Variants in OCA2 observed in about 807,000 individuals in gnomAD.
OCA2 encodes OCA2 melanosomal transmembrane protein.
OCA2 carries 77 observed loss-of-function variants against 100.2 expected under a neutral mutation model. The ratio of observed to expected loss-of-function variants is 0.77; its 90% CI spans 0.64 to 0.93. The LOEUF is 0.93. Ranked by LOEUF, OCA2 falls within the 40% of genes least tolerant of loss-of-function variation. OCA2 has a pLI of 0.00. For synonymous variants in OCA2, 432 were observed against 439.2 expected, an observed-to-expected ratio of 0.98 and a Z score of 0.21; for missense variants, 1,062 against 1,089.1, an observed-to-expected ratio of 0.98 and a Z score of 0.35.
intron 19 of OCA2, among the ~76,000 whole-genome samples, chr15:27,915,316 A>G (rs1157144879): frequency 6.6e-6 from 1 of 152,162 alleles, no homozygotes; most frequent in Non-Finnish European, 1.5e-5. Flanking sequence ...ATTTCACGAC[A>G]AAGACCCCAA....
At chr15:27,878,044 G>A (rs1038098138) in intron 19 of OCA2, among the ~76,000 whole-genome samples, 25 of 150,742 alleles carry the variant, frequency 1.7e-4, no homozygotes, top group African/African-American at 5.3e-4. Flanking sequence ...TACTTACTCC[G>A]TGAATTAAAA....
chr15:28,009,684 T>TCA (rs747425942), intron 9 of OCA2, among the ~76,000 whole-genome samples: 36,806 of 137,566 alleles, frequency 0.27, 4,769 homozygotes, highest in East Asian at 0.46. Context: ...CGAGATTCTG[T>TCA]CACACACACA....
intron 9 of OCA2, among the ~76,000 whole-genome samples, chr15:28,005,475 G>T (rs536186994): frequency 6.6e-6 from 1 of 152,126 alleles, no homozygotes; most frequent in African/African-American, 2.4e-5. Context: ...TCGAGGCGTC[G>T]CAGGAACGCA....
chr15:27,967,713 C>T (rs929386476), intron 14 of OCA2, among the ~76,000 whole-genome samples: 3 of 152,252 alleles, frequency 2.0e-5, no homozygotes, highest in Non-Finnish European at 2.9e-5. Flanking sequence ...TCCTTCCCGG[C>T]ACGCTTCCTT....
At chr15:27,779,887 G>A (rs542804835) in intron 23 of OCA2, among the ~76,000 whole-genome samples, 5 of 152,000 alleles carry the variant, frequency 3.3e-5, no homozygotes, top group Admixed American at 2.6e-4. Flanking sequence ...TTGTGCTTTT[G>A]TTTATACTGA....
At chr15:28,010,060 CAATGT>C (rs1736926832) in intron 9 of OCA2, among the ~76,000 whole-genome samples, 1 of 151,390 alleles carries the variant, frequency 6.6e-6, no homozygotes, top group Non-Finnish European at 1.5e-5. Flanking sequence ...TAAAATAAAT[CAATGT>C]AATCCACCAT....
intron 2 of OCA2, among the ~76,000 whole-genome samples, chr15:28,054,549 T>C (rs2043627935): frequency 6.6e-6 from 1 of 152,140 alleles, no homozygotes; most frequent in South Asian, 2.1e-4. Flanking sequence ...GAGACCTCAA[T>C]ACATCACGTT....
At chr15:27,891,146 A>G (rs1378428537) in intron 19 of OCA2, among the ~76,000 whole-genome samples, 1 of 152,212 alleles carries the variant, frequency 6.6e-6, no homozygotes, top group East Asian at 1.9e-4. Flanking sequence ...TGATGATTTA[A>G]ACAAAAGTTA....
intron 15 of OCA2, among the ~76,000 whole-genome samples, chr15:27,963,510 C>G (rs972899506): frequency 2.0e-5 from 3 of 151,908 alleles, no homozygotes; most frequent in African/African-American, 7.3e-5. Context: ...TATAAACCAT[C>G]TAAATTATCC....
chr15:28,024,845 A>C lies in OCA2; in HGVS notation c.573T>G (p.Ser191=), dbSNP rs757440677. 3.7e-6 allele frequency: 6 copies of C among 1,614,238 alleles called. No homozygotes were observed. Among genetic ancestry groups the C allele is most frequent in the Non-Finnish European group, 5.1e-6 (6 of 1,180,026 alleles). The change falls in exon 5 of 24, where the codon TCT becomes TCG. Residue 191 remains serine, a splice_region_variant and synonymous_variant. Coordinates refer to ENST00000354638, the MANE Select transcript of OCA2 (RefSeq NM_000275.3). ...GTGCTGGGGCAGCTAAGGTACTCAC[A>C]GAACACAGCACCACAAAGGCAAACA... is the stretch of plus-strand genomic sequence containing the variant. ...MGLFAFVVLC[S]ILFSLYPDQG...
intron 2 of OCA2, among the ~76,000 whole-genome samples, chr15:28,080,844 G>C (rs2044598843): frequency 6.6e-6 from 1 of 152,216 alleles, no homozygotes; most frequent in Admixed American, 6.5e-5. Context: ...TGGGTTTGCA[G>C]TATAAGCATT....
intron 23 of OCA2, among the ~76,000 whole-genome samples, chr15:27,766,941 C>T (rs751656563): frequency 5.9e-5 from 9 of 152,162 alleles, no homozygotes; most frequent in East Asian, 1.9e-4. Flanking sequence ...GCTCCTGGAC[C>T]GCCCTGTATG....
At chr15:27,961,783 C>T (rs943842330) in intron 15 of OCA2, among the ~76,000 whole-genome samples, 1 of 151,942 alleles carries the variant, frequency 6.6e-6, no homozygotes, top group Non-Finnish European at 1.5e-5. Context: ...GATCATCACA[C>T]ACCGGGGGCT....
intron 3 of OCA2, 90 bp downstream of exon 3, chr15:28,031,975 A>G (rs942386275): frequency 2.2e-4 from 204 of 930,890 alleles, no homozygotes; most frequent in Admixed American, 2.4e-4. Flanking sequence ...AACATGTCCA[A>G]TAAAAATTCG....
intron 9 of OCA2, among the ~76,000 whole-genome samples, chr15:28,012,680 A>C (rs201038803): frequency 6.6e-6 from 1 of 152,254 alleles, no homozygotes; most frequent in East Asian, 1.9e-4. Flanking sequence ...ACTAACCATT[A>C]ATTAATGAAA....
intron 19 of OCA2, among the ~76,000 whole-genome samples, chr15:27,920,890 G>A (rs926962104): frequency 2.6e-5 from 4 of 151,560 alleles, no homozygotes; most frequent in African/African-American, 7.3e-5. Flanking sequence ...GAAGAACATA[G>A]AAGAAAAAAG....
At chr15:27,781,436 G>A (rs920695318) in intron 23 of OCA2, among the ~76,000 whole-genome samples, 1 of 152,150 alleles carries the variant, frequency 6.6e-6, no homozygotes, top group African/African-American at 2.4e-5. Flanking sequence ...CAGCAGGGTG[G>A]ACACTGCGGT....
At chr15:27,768,763 G>C (rs775483551) in intron 23 of OCA2, among the ~76,000 whole-genome samples, 4 of 152,212 alleles carry the variant, frequency 2.6e-5, no homozygotes, top group Non-Finnish European at 4.4e-5. Context: ...GGGACCCTGT[G>C]GTGGCAGCCC....
intron 23 of OCA2, among the ~76,000 whole-genome samples, chr15:27,799,713 C>G (rs1485475943): frequency 6.6e-6 from 1 of 151,230 alleles, no homozygotes; most frequent in Non-Finnish European, 1.5e-5. Flanking sequence ...CCACTGCACT[C>G]CAGCCTGAGT....
Sources: allele counts gnomAD v4.1 joint callset (sites outside exome capture counted in the v4.1 genomes callset), GRCh38; gene constraint gnomAD v4.1.1; transcripts MANE v1.5; gene names NCBI Gene and HGNC (gene_info 2026-07-23, HGNC 2026-07-21).